Variants in VAV1 observed in about 807,000 individuals in gnomAD.
VAV1 encodes vav guanine nucleotide exchange factor 1.
VAV1 carries 33 observed loss-of-function variants against 128.1 expected under a neutral mutation model. That is an observed-to-expected ratio of 0.26 (90% CI 0.20 to 0.34). The LOEUF (loss-of-function observed/expected upper bound fraction) is 0.34, where lower values mean the gene tolerates loss of function less well. Ranked by LOEUF, VAV1 falls within the 10% of genes least tolerant of loss-of-function variation. The pLI, the probability that VAV1 is intolerant of heterozygous loss-of-function variation, is 1.00. For synonymous variants in VAV1, 394 were observed against 409.8 expected, an observed-to-expected ratio of 0.96 and a Z score of 0.47; for missense variants, 715 against 1,093.7, an observed-to-expected ratio of 0.65 and a Z score of 4.88.
chr19:6,802,140 T>C (rs1971288299), intron 1 of VAV1, among the ~76,000 whole-genome samples: 1 of 150,240 alleles, frequency 6.7e-6, no homozygotes, highest in Non-Finnish European at 1.5e-5. Flanking sequence ...AATTGAACAA[T>C]GAGAACACAT....
At chr19:6,795,493 T>A (rs1369052738) in intron 1 of VAV1, among the ~76,000 whole-genome samples, 1 of 151,766 alleles carries the variant, frequency 6.6e-6, no homozygotes, top group Admixed American at 6.6e-5. Flanking sequence ...TATTTATTTA[T>A]TGAATTAATT....
intron 1 of VAV1, among the ~76,000 whole-genome samples, chr19:6,778,725 C>CA (rs762865924): frequency 7.0e-6 from 1 of 142,302 alleles, no homozygotes; most frequent in Non-Finnish European, 1.5e-5. Context: ...GACTTTGTCT[C>CA]AAAAAACAAA....
At chr19:6,778,735 A>AAC (rs1051763961) in intron 1 of VAV1, among the ~76,000 whole-genome samples, 3 of 151,924 alleles carry the variant, frequency 2.0e-5, no homozygotes, top group African/African-American at 7.3e-5. Context: ...CAAAAAACAA[A>AAC]ACAAAACAAA....
At chr19:6,838,225 TATCATC>T (rs1555705122) in intron 21 of VAV1, among the ~76,000 whole-genome samples, 1 of 149,080 alleles carries the variant, frequency 6.7e-6, no homozygotes, top group East Asian at 1.9e-4. Context: ...TATCTATCTA[TATCATC>T]ATCATCATCA....
At chr19:6,844,568 C>T (rs893310153) in intron 22 of VAV1, among the ~76,000 whole-genome samples, 21 of 152,118 alleles carry the variant, frequency 1.4e-4, no homozygotes, top group Non-Finnish European at 2.9e-5. Flanking sequence ...GCACTATTGC[C>T]ATTTATAAAA....
At chr19:6,835,186 A>AAT (rs1165248601) in intron 19 of VAV1, among the ~76,000 whole-genome samples, 4 of 145,926 alleles carry the variant, frequency 2.7e-5, no homozygotes, top group Non-Finnish European at 6.0e-5. Flanking sequence ...TGTACAATAG[A>AAT]ATATATATAT....
chr19:6,772,889 G>T lies in VAV1; in HGVS notation c.82G>T (p.Ala28Ser), dbSNP rs1970534292. The T allele has an allele frequency of 6.2e-7, 1 of 1,614,018 alleles. No individual in the cohort carries two copies. Among genetic ancestry groups the T allele is most frequent in the Non-Finnish European group, 8.5e-7 (1 of 1,180,004 alleles). Residue 28 changes from alanine (A) to serine (S), a missense_variant, in exon 1 of 27, where the codon GCT (alanine) becomes TCT (serine). Transcript: ENST00000602142. This position sits in a 1 kb window ranked among gnomAD's most constrained non-coding sequence, Gnocchi z 4.8. Reference protein sequence around the residue: ...PPSHRVTWDGAQVCELAQALR... With the variant: ...PPSHRVTWDGSQVCELAQALR... Reference sequence around the variant, plus strand: ...CAGCCACCGCGTGACCTGGGATGGGGCTCAGGTGTGTGAACTGGCCCAGGC... The same window carrying T: ...CAGCCACCGCGTGACCTGGGATGGGTCTCAGGTGTGTGAACTGGCCCAGGC...
chr19:6,820,690 G>A lies in VAV1; in HGVS notation c.205-12G>A. ...CGTACTGCCCCACCCTCATTTCTCTGTCTCCTCACAGTTCCTGTGCCTTAA... is the reference window on the plus strand; with the variant it reads ...CGTACTGCCCCACCCTCATTTCTCTATCTCCTCACAGTTCCTGTGCCTTAA... On this transcript the variant is annotated splice_polypyrimidine_tract_variant and intron_variant, in intron 1 of 26. Transcript: ENST00000602142. The surrounding 1 kb of genome is among the most constrained non-coding windows in gnomAD (Gnocchi z 4.4). 1.2e-6 allele frequency: 2 copies of A among 1,613,150 alleles called. No homozygotes were observed. The highest frequency in any genetic ancestry group is 2.7e-5 in the African/African-American group (2 of 74,980).
chr19:6,822,528 AC>A lies in VAV1; in HGVS notation c.654+17del. 1 of 1,543,338 alleles carries A rather than the reference AC, an allele frequency of 6.5e-7. No individual in the cohort carries two copies. ...TCCATCCAGCAGGTGGGCGCCTCCC[AC>A]CCAGCGCCTGCCGGGCGCATGCGCG... On this transcript the variant is annotated intron_variant, in intron 6 of 26. Transcript: ENST00000602142. This position sits in a 1 kb window ranked among gnomAD's most constrained non-coding sequence, Gnocchi z 5.9.
At chr19:6,814,361 T>C (rs1488383324) in intron 1 of VAV1, among the ~76,000 whole-genome samples, 1 of 152,168 alleles carries the variant, frequency 6.6e-6, no homozygotes, top group African/African-American at 2.4e-5. Context: ...AATCTCTACC[T>C]TCCCTCTTGC....
chr19:6,801,321 A>C (rs995151330), intron 1 of VAV1, among the ~76,000 whole-genome samples: 1 of 152,184 alleles, frequency 6.6e-6, no homozygotes, highest in Non-Finnish European at 1.5e-5. Flanking sequence ...AACGGAAAGC[A>C]AAATGATCCC....
At chr19:6,791,464 G>GGGTCCTTGAGCTACCTCCTCGTCTCAA (rs1568286797) in intron 1 of VAV1, among the ~76,000 whole-genome samples, 1 of 150,818 alleles carries the variant, frequency 6.6e-6, no homozygotes, top group East Asian at 2.0e-4. Flanking sequence ...CCTTATCCTG[G>GGGTCCTTGAGCTACCTCCTCGTCTCAA]GGTCCTTGAG....
intron 1 of VAV1, among the ~76,000 whole-genome samples, chr19:6,779,907 C>A (rs1026004485): frequency 1.3e-5 from 2 of 149,138 alleles, no homozygotes; most frequent in African/African-American, 4.9e-5. Context: ...GTCAGGAGAT[C>A]GAGACCATCC....
chr19:6,783,470 CTTTTTTTTT>C (rs61101390), intron 1 of VAV1, among the ~76,000 whole-genome samples: 1 of 113,832 alleles, frequency 8.8e-6, no homozygotes, highest in Non-Finnish European at 1.7e-5. Context: ...CACCTCCATC[CTTTTTTTTT>C]TTTTTTTTTT....
intron 1 of VAV1, among the ~76,000 whole-genome samples, chr19:6,799,325 G>A (rs1245030752): frequency 6.6e-6 from 1 of 151,978 alleles, no homozygotes; most frequent in African/African-American, 2.4e-5. Context: ...GCGCCACCAC[G>A]CCTGGCTAAT....
chr19:6,774,810 G>A (rs1006392418), intron 1 of VAV1, among the ~76,000 whole-genome samples: 2 of 151,542 alleles, frequency 1.3e-5, no homozygotes, highest in Admixed American at 6.6e-5. Flanking sequence ...GCTGGAATGC[G>A]GTGGTGCAAT....
At chr19:6,789,430 T>C (rs1434680763) in intron 1 of VAV1, among the ~76,000 whole-genome samples, 1 of 152,048 alleles carries the variant, frequency 6.6e-6, no homozygotes, top group Non-Finnish European at 1.5e-5. Flanking sequence ...TTTTTTATAT[T>C]TTCGTAGAGA....
intron 1 of VAV1, among the ~76,000 whole-genome samples, chr19:6,776,051 T>C (rs1331743520): frequency 3.3e-5 from 5 of 151,816 alleles, no homozygotes; most frequent in African/African-American, 7.3e-5. Flanking sequence ...CAATTATCCA[T>C]CCATCTACCC....
At chr19:6,783,464 TCCA>T (rs1970810906) in intron 1 of VAV1, among the ~76,000 whole-genome samples, 1 of 137,698 alleles carries the variant, frequency 7.3e-6, no homozygotes, top group Non-Finnish European at 1.5e-5. Flanking sequence ...CGCCATCACC[TCCA>T]TCCTTTTTTT....
Sources: gnomAD v4.1 joint callset for allele counts (sites outside exome capture counted in the v4.1 genomes callset) on GRCh38, gnomAD v4.1.1 for gene constraint, Gnocchi (gnomAD v3.1) non-coding constraint, MANE v1.5 for transcripts, NCBI Gene and HGNC (gene_info 2026-07-23, HGNC 2026-07-21) for gene names.